FGD4: variants seen among roughly 807,000 people sequenced by gnomAD.
FGD4 encodes the protein FYVE, RhoGEF and PH domain-containing protein 4.
Under a neutral mutation model 102.0 loss-of-function variants are expected in FGD4, and 42 were observed. The observed-to-expected ratio is 0.41, with a 90% CI of 0.32 to 0.53. The LOEUF (loss-of-function observed/expected upper bound fraction) is 0.53. Ranked by LOEUF, FGD4 falls within the 20% of genes least tolerant of loss-of-function variation. The pLI is 0.21. For missense variants in FGD4, 902 were observed against 1,078.2 expected, an observed-to-expected ratio of 0.84 and a Z score of 2.29; for synonymous variants, 380 against 375.7, an observed-to-expected ratio of 1.01 and a Z score of -0.13.
intron 11 of FGD4, among the ~76,000 whole-genome samples, chr12:32,620,211 T>G (rs1272165017): frequency 1.3e-5 from 2 of 152,252 alleles, no homozygotes; most frequent in African/African-American, 4.8e-5. Flanking sequence ...CTCCTCCTTT[T>G]GGTCCACAAA....
chr12:32,621,153 T>G (rs1949820221), intron 11 of FGD4, among the ~76,000 whole-genome samples: 1 of 151,898 alleles, frequency 6.6e-6, no homozygotes, highest in African/African-American at 2.4e-5. Flanking sequence ...GGTAGGAGGA[T>G]CACTTGAGAT....
intron 3 of FGD4, among the ~76,000 whole-genome samples, chr12:32,580,815 A>G (rs1309752651): frequency 1.3e-5 from 2 of 150,214 alleles, no homozygotes; most frequent in African/African-American, 4.9e-5. Flanking sequence ...TGAACCCGGG[A>G]GGCGTAGCTT....
At position 32,564,271 on chromosome 12, in the gene FGD4, G is replaced by C. The variant is rs1240101280; in HGVS notation, c.301G>C (p.Ala101Pro). 4.3e-5 allele frequency: 66 copies of C among 1,535,892 alleles called. No individual in the cohort carries two copies. Among genetic ancestry groups the C allele is most frequent in the Non-Finnish European group, 5.7e-5 (65 of 1,146,860 alleles). ...NGNRPAKHSA[A>P]SPKPQVPPKP... ...GAACAGGCCAGCAAAACACTCAGCT[G>C]CAAGTCCAAAGCCACAAGGTATGCT... Residue 101 changes from alanine (A) to proline (P), a missense_variant, in exon 2 of 17, where the codon GCA becomes CCA. Coordinates refer to ENST00000534526, the MANE Select transcript of FGD4 (RefSeq NM_001370298.3).
chr12:32,456,873 C>G lies in FGD4; in HGVS notation c.166+56914C>G, dbSNP rs146229456. ...TTTGAGTGGTCTGTGACTTCCATCT[C>G]CCCTTTTGTATTTGAAACATAAAGG... On this transcript the variant is annotated intron_variant, in intron 1 of 16. Transcript: ENST00000534526. Among the ~76,000 whole-genome samples, 50 of 152,278 alleles carry G rather than the reference C, an allele frequency of 3.3e-4. No homozygotes were observed. In the East Asian group the frequency reaches 6.9e-3, roughly 21 times the overall value.
intron 1 of FGD4, among the ~76,000 whole-genome samples, chr12:32,413,350 G>A (rs999300691): frequency 6.6e-6 from 1 of 152,168 alleles, no homozygotes; most frequent in Non-Finnish European, 1.5e-5. Flanking sequence ...TTACTCTGCA[G>A]AAAGTTGGCT....
At chr12:32,577,550 A>G (rs1475605630) in intron 3 of FGD4, among the ~76,000 whole-genome samples, 1 of 152,118 alleles carries the variant, frequency 6.6e-6, no homozygotes, top group Non-Finnish European at 1.5e-5. Context: ...TCCTGTGACA[A>G]CTCAGAGGCC....
intron 1 of FGD4, 140 bp downstream of exon 1, chr12:32,400,099 C>G (rs1257595236): frequency 2.4e-6 from 3 of 1,232,414 alleles, no homozygotes; most frequent in Admixed American, 7.1e-5. Context: ...TGGAAGGCTG[C>G]GCTCGGCCAC....
intron 1 of FGD4, among the ~76,000 whole-genome samples, chr12:32,496,825 A>G (rs902758478): frequency 6.6e-5 from 10 of 152,186 alleles, no homozygotes; most frequent in Admixed American, 5.9e-4. Context: ...GGCAGGGCCT[A>G]GGTGCTTGTG....
At chr12:32,591,813 C>T (rs535318838) in intron 4 of FGD4, among the ~76,000 whole-genome samples, 2 of 152,238 alleles carry the variant, frequency 1.3e-5, no homozygotes, top group South Asian at 4.1e-4. Context: ...ACAACCAGGC[C>T]GAACCTAAGC....
chr12:32,602,327 C>G lies in FGD4; in HGVS notation c.1404+10C>G, dbSNP rs374656859. The G allele has an allele frequency of 6.2e-7, 1 of 1,613,688 alleles. No homozygotes were observed. The highest frequency in any genetic ancestry group is 1.7e-5 in the Admixed American group (1 of 60,004). ...GGTTGAAGAAATTCAGGTAATAGGA[C>G]TGTTTTGTTCAAAGCTATGAATTAC... On this transcript the variant is annotated intron_variant, in intron 7 of 16. Coordinates refer to ENST00000534526, the MANE Select transcript of FGD4 (RefSeq NM_001370298.3).
chr12:32,623,982 C>T (rs962830807), intron 11 of FGD4, among the ~76,000 whole-genome samples: 1 of 152,066 alleles, frequency 6.6e-6, no homozygotes, highest in African/African-American at 2.4e-5. Flanking sequence ...TTAAATAGCT[C>T]CCTAAGGCTT....
chr12:32,529,300 A>C (rs1941564797), intron 1 of FGD4, among the ~76,000 whole-genome samples: 1 of 151,614 alleles, frequency 6.6e-6, no homozygotes, highest in Admixed American at 6.6e-5. Flanking sequence ...TTAATTTTTG[A>C]ATTTCTAGTA....
rs776979669 is a variant in FGD4 at position 32,544,564 on chromosome 12, T to A, written c.167-19573T>A. On this transcript the variant is annotated intron_variant, in intron 1 of 16. Transcript: ENST00000534526. The surrounding 1 kb of genome is among the most constrained non-coding windows in gnomAD (Gnocchi z 4.1). Reference sequence around the variant, plus strand: ...CTGGTCAGTATGGTGAAATCCCGTCTCTACAAAAAAATACAAAAATGAGCC... The same window carrying A: ...CTGGTCAGTATGGTGAAATCCCGTCACTACAAAAAAATACAAAAATGAGCC... Among the ~76,000 whole-genome samples the A allele has an allele frequency of 2.0e-5, 3 of 151,660 alleles. No homozygotes were observed. Among genetic ancestry groups the A allele is most frequent in the Non-Finnish European group, 4.4e-5 (3 of 67,936 alleles).
intron 1 of FGD4, among the ~76,000 whole-genome samples, chr12:32,562,016 C>T (rs902682442): frequency 4.6e-5 from 7 of 151,908 alleles, no homozygotes; most frequent in East Asian, 3.9e-4. Flanking sequence ...TGGACGTGGG[C>T]GCATGTGTGT....
intron 1 of FGD4, among the ~76,000 whole-genome samples, chr12:32,409,363 C>T (rs2253237): frequency 6.7e-6 from 1 of 149,876 alleles, no homozygotes; most frequent in Non-Finnish European, 1.5e-5. Flanking sequence ...ATCTCCGCTC[C>T]CTGCAACCTC....
chr12:32,499,626 T>C (rs1938039802), intron 1 of FGD4, among the ~76,000 whole-genome samples: 1 of 152,204 alleles, frequency 6.6e-6, no homozygotes, highest in South Asian at 2.1e-4. Flanking sequence ...AAAGTTATAA[T>C]TTGGAAACTG....
rs1334817144 is a variant in FGD4, at chr12:32,642,660, A to G, written c.*2127A>G. The G allele has an allele frequency of 1.3e-5, 2 of 152,072 alleles. No homozygotes were observed. Among genetic ancestry groups the G allele is most frequent in the African/African-American group, 4.8e-5 (2 of 41,456 alleles). The allele number at this position is 152,072 out of a possible 1,614,324, so 9.4% of individuals were successfully genotyped here. On this transcript the variant is annotated 3_prime_UTR_variant, in exon 17 of 17. Transcript: ENST00000534526. The stretch of plus-strand genomic sequence containing the variant: ...GATAATGTTTATTATCATGCTCTTA[A>G]CAGTCATTATCTTTAATTTTTTAAA...
chr12:32,425,270 A>G (rs1941790340), intron 1 of FGD4, among the ~76,000 whole-genome samples: 1 of 152,202 alleles, frequency 6.6e-6, no homozygotes, highest in Non-Finnish European at 1.5e-5. Context: ...GAAGCAGTCC[A>G]GTTTCAGTTT....
chr12:32,611,171 T>C lies in FGD4; in HGVS notation c.1637T>C (p.Met546Thr). Residue 546 changes from methionine to threonine, a missense_variant, in exon 10 of 17, where the codon ATG (methionine) becomes ACG (threonine). By Grantham distance (81) the Met-to-Thr change is moderately conservative. This residue lies in a region of FGD4 where 459 missense variants were observed against 619.0 expected (regional missense o/e 0.74). Transcript: ENST00000534526. The part of the protein sequence containing the change: ...NLKKLLEIYE[M>T]LGEEEDIVNP... ...AAGAAACTCTTAGAGATTTATGAAA[T>C]GTTGGGAGAAGAAGAAGACATTGTA... 6.2e-7 allele frequency: 1 copy of C among 1,614,144 alleles called. No individual in the cohort carries two copies. The highest frequency in any genetic ancestry group is 8.5e-7 in the Non-Finnish European group (1 of 1,180,012).
Sources: allele counts gnomAD v4.1 joint callset (sites outside exome capture counted in the v4.1 genomes callset), GRCh38; gene constraint gnomAD v4.1.1; regional missense constraint gnomAD v4.1.1; non-coding constraint Gnocchi (gnomAD v3.1); transcripts MANE v1.5; gene names NCBI Gene and HGNC (gene_info 2026-07-23, HGNC 2026-07-21).